Variants in BMERB1 observed in about 807,000 individuals in gnomAD.
BMERB1 encodes bMERB domain-containing protein 1.
In BMERB1, 12 loss-of-function variants were observed where a neutral mutation model predicts 23.6. The observed-to-expected ratio is 0.51, with a 90% CI of 0.33 to 0.82. The LOEUF is 0.82. Among genes scored for constraint, BMERB1 ranks in the 40% least tolerant of loss-of-function variants. The pLI, the probability that BMERB1 is intolerant of heterozygous loss-of-function variation, is 0.03. For synonymous variants in BMERB1, 122 were observed against 96.6 expected, an observed-to-expected ratio of 1.26 and a Z score of -1.54; for missense variants, 247 against 255.4, an observed-to-expected ratio of 0.97 and a Z score of 0.22.
intron 1 of BMERB1, among the ~76,000 whole-genome samples, chr16:15,513,649 A>G (rs1431939298): frequency 6.6e-6 from 1 of 152,070 alleles, no homozygotes; most frequent in Non-Finnish European, 1.5e-5. Context: ...TAATCCTAGC[A>G]CTTTGGGAGG....
At chr16:15,447,210 A>G (rs549050442) in intron 1 of BMERB1, among the ~76,000 whole-genome samples, 1 of 152,300 alleles carries the variant, frequency 6.6e-6, no homozygotes, top group South Asian at 2.1e-4. Context: ...TTGAAAAGAA[A>G]AGAGATTTGA....
At chr16:15,560,952 C>CTTTTTTTTTT (rs1166759122) in intron 2 of BMERB1, among the ~76,000 whole-genome samples, 14 of 106,654 alleles carry the variant, frequency 1.3e-4, no homozygotes, top group African/African-American at 4.5e-4. Flanking sequence ...TTCTCTGCTG[C>CTTTTTTTTTT]TTTTTTTTTT....
chr16:15,569,319 C>T (rs1261513251), intron 3 of BMERB1, among the ~76,000 whole-genome samples: 1 of 152,172 alleles, frequency 6.6e-6, no homozygotes, highest in Non-Finnish European at 1.5e-5. Flanking sequence ...GTCTGCTCAG[C>T]TGCTGGAAGG....
At chr16:15,511,268 C>G (rs1237126091) in intron 1 of BMERB1, among the ~76,000 whole-genome samples, 1 of 152,130 alleles carries the variant, frequency 6.6e-6, no homozygotes, top group Non-Finnish European at 1.5e-5. Context: ...TCTGACCTCT[C>G]TCCTTCCTGC....
At chr16:15,525,759 CT>C (rs1403016024) in intron 2 of BMERB1, among the ~76,000 whole-genome samples, 1 of 151,746 alleles carries the variant, frequency 6.6e-6, no homozygotes, top group African/African-American at 2.4e-5. Context: ...TAAAATAAAT[CT>C]CTTCAGTAGT....
chr16:15,453,559 G>A (rs1707248073), intron 1 of BMERB1, among the ~76,000 whole-genome samples: 1 of 152,058 alleles, frequency 6.6e-6, no homozygotes, highest in Non-Finnish European at 1.5e-5. Context: ...TCCAGCCTGG[G>A]CAATAGAGTG....
intron 1 of BMERB1, among the ~76,000 whole-genome samples, chr16:15,506,118 C>T (rs868777629): frequency 2.0e-5 from 3 of 151,968 alleles, no homozygotes; most frequent in Admixed American, 6.6e-5. Flanking sequence ...CTGATGTTTA[C>T]GGTGTTTTGT....
chr16:15,498,208 G>A (rs1046450604), intron 1 of BMERB1, among the ~76,000 whole-genome samples: 1 of 151,904 alleles, frequency 6.6e-6, no homozygotes, highest in Non-Finnish European at 1.5e-5. Context: ...ACCTAGGTAA[G>A]TCTCATACCT....
chr16:15,563,893 G>A (rs1056273970), intron 2 of BMERB1, among the ~76,000 whole-genome samples: 1 of 152,156 alleles, frequency 6.6e-6, no homozygotes, highest in African/African-American at 2.4e-5. Flanking sequence ...GGCCCCAGTG[G>A]GAGGTGTTTG....
intron 3 of BMERB1, among the ~76,000 whole-genome samples, chr16:15,578,438 T>G (rs1177679290): frequency 6.6e-6 from 1 of 152,140 alleles, no homozygotes; most frequent in Non-Finnish European, 1.5e-5. Context: ...TCATTTTAGC[T>G]TAACTATTAT....
intron 1 of BMERB1, 46 bp from the exon 2 acceptor site, chr16:15,515,259 T>C (rs772738766): frequency 1.9e-6 from 3 of 1,611,278 alleles, no homozygotes; most frequent in Non-Finnish European, 2.5e-6. Context: ...TGTCCCATGG[T>C]GCAGCCTTGG....
chr16:15,557,076 G>A (rs558992428), intron 2 of BMERB1, among the ~76,000 whole-genome samples: 2 of 152,214 alleles, frequency 1.3e-5, no homozygotes, highest in South Asian at 4.1e-4. Flanking sequence ...ATTTCATGTC[G>A]TTTTCACAAA....
intron 1 of BMERB1, among the ~76,000 whole-genome samples, chr16:15,474,531 T>A (rs2051259407): frequency 1.3e-5 from 2 of 151,896 alleles, no homozygotes; most frequent in African/African-American, 4.8e-5. Flanking sequence ...CACCACACTC[T>A]GCTAAATTTT....
At chr16:15,503,806 G>A (rs1167892411) in intron 1 of BMERB1, among the ~76,000 whole-genome samples, 2 of 152,174 alleles carry the variant, frequency 1.3e-5, no homozygotes, top group Non-Finnish European at 2.9e-5. Flanking sequence ...GCCAGGGCTT[G>A]AAGCGACGTC....
At chr16:15,522,055 C>T (rs150946892) in intron 2 of BMERB1, among the ~76,000 whole-genome samples, 13 of 152,192 alleles carry the variant, frequency 8.5e-5, no homozygotes, top group Non-Finnish European at 1.5e-4. Context: ...TCTACCAACC[C>T]GCTCCTGCTG....
chr16:15,446,033 A>G (rs1486853326), intron 1 of BMERB1, among the ~76,000 whole-genome samples: 1 of 152,184 alleles, frequency 6.6e-6, no homozygotes, highest in Non-Finnish European at 1.5e-5. Context: ...ACATGAAATT[A>G]TTTTAAAAAC....
intron 3 of BMERB1, among the ~76,000 whole-genome samples, chr16:15,577,388 A>T (rs1167716920): frequency 6.6e-6 from 1 of 152,208 alleles, no homozygotes; most frequent in Non-Finnish European, 1.5e-5. Flanking sequence ...TCACTCCTGT[A>T]TCATTAGCAG....
chr16:15,544,637 T>C (rs1026936880), intron 2 of BMERB1, among the ~76,000 whole-genome samples: 1 of 152,212 alleles, frequency 6.6e-6, no homozygotes, highest in Non-Finnish European at 1.5e-5. Context: ...GTAAACAATT[T>C]TGCAGATTGC....
chr16:15,534,081 A>G (rs1385214651), intron 2 of BMERB1, among the ~76,000 whole-genome samples: 2 of 151,898 alleles, frequency 1.3e-5, no homozygotes, highest in East Asian at 3.9e-4. Context: ...GAATAAAACA[A>G]TGCCCTATCC....
Sources: allele counts gnomAD v4.1 joint callset (sites outside exome capture counted in the v4.1 genomes callset), GRCh38; gene constraint gnomAD v4.1.1; transcripts MANE v1.5; gene names NCBI Gene and HGNC (gene_info 2026-07-23, HGNC 2026-07-21).